The following ISCU variants were observed in gnomAD, a reference collection of about 807,000 sequenced individuals.
The protein encoded by ISCU is iron-sulfur cluster assembly enzyme ISCU.
A neutral mutation model predicts 18.4 loss-of-function variants in ISCU; 13 were observed. The observed-to-expected ratio is 0.71, with a 90% CI of 0.46 to 1.12. ISCU has a LOEUF of 1.12. Among genes scored for constraint, ISCU ranks in the 50% most tolerant of loss-of-function variants. ISCU has a pLI of 0.00. For missense variants in ISCU, 229 were observed against 208.7 expected (o/e 1.10, Z -0.60); for synonymous variants, 104 against 87.5 (o/e 1.19, Z -1.06).
intron 4 of ISCU, chr12:108,567,704 A>G: frequency 8.5e-6 from 13 of 1,535,966 alleles, no homozygotes; most frequent in Non-Finnish European, 9.6e-6. Context: ...TTTCGCCATA[A>G]TCCTGTTTCC....
At position 108,564,431 on chromosome 12, in the gene ISCU, C is replaced by G. The variant is rs750757422; in HGVS notation, c.228+39C>G. 7 of 1,393,136 alleles carry G rather than the reference C, an allele frequency of 5.0e-6. No individual in the cohort carries two copies. The East Asian group carries it at 1.4e-4, about 27-fold the overall frequency. 86.3% of individuals were successfully genotyped at this position (1,393,136 alleles called of 1,614,324 possible). On this transcript the variant is annotated intron_variant, in intron 2 of 4. Coordinates refer to ENST00000311893, the MANE Select transcript of ISCU (RefSeq NM_213595.4). The stretch of plus-strand genomic sequence containing the variant: ...TTTTTAATAGTGATAACAATAATCC[C>G]TTTAAGTTTACAAAGCACTTGCGCA...
Position 108,562,637 on chromosome 12 carries a change from G to C in ISCU, c.15G>C (p.Gly5=), listed in dbSNP as rs753475516. 8 of 1,480,472 alleles carry C rather than the reference G, an allele frequency of 5.4e-6. No homozygotes were observed. Among genetic ancestry groups the C allele is most frequent in the African/African-American group, 1.5e-5 (1 of 68,710 alleles). The allele number at this position is 1,480,472 out of a possible 1,614,324, so 91.7% of individuals were successfully genotyped here. A position where few individuals can be genotyped will look rare whatever the true frequency, so the allele number is the denominator to read the frequency against. The change falls in exon 1 of 5, where the codon GGG becomes GGC. Residue 5 remains glycine, a synonymous_variant. Coordinates refer to ENST00000311893, the MANE Select transcript of ISCU (RefSeq NM_213595.4). ...AAGCCGGCAAGATGGCGGCGGCTGG[G>C]GCTTTCCGTCTGAGGCGGGCGGCAT... MAAA[G]AFRLRRAASA... is the part of the protein sequence containing the mutation.
chr12:108,566,805 C>G (rs1265295331), intron 3 of ISCU, among the ~76,000 whole-genome samples: 1 of 152,228 alleles, frequency 6.6e-6, no homozygotes, highest in Non-Finnish European at 1.5e-5. Context: ...TTTAGGCTAA[C>G]ATTTGGTATG....
Position 108,567,517 on chromosome 12 carries a change from C to T in ISCU, c.418+249C>T, listed in dbSNP as rs888546. 640,586 of 785,828 alleles carry T rather than the reference C, an allele frequency of 0.82. 264,858 individuals are homozygous for T. Among genetic ancestry groups the T allele is most frequent in the East Asian group, 0.93 (34,710 of 37,432 alleles). 48.7% of individuals were successfully genotyped at this position (785,828 alleles called of 1,614,324 possible). A position where few individuals can be genotyped will look rare whatever the true frequency, so the allele number is the denominator to read the frequency against. On this transcript the variant is annotated intron_variant, in intron 4 of 4. Coordinates refer to ENST00000311893, the MANE Select transcript of ISCU (RefSeq NM_213595.4). ...CACTTCATGGGCGTAATTTCTAAACCTCACAAATATCCTTGAGTGCACAGT... is the reference window on the plus strand; with the variant it reads ...CACTTCATGGGCGTAATTTCTAAACTTCACAAATATCCTTGAGTGCACAGT...
chr12:108,567,124 T>TTA (rs769567801), intron 3 of ISCU, 66 bp from the exon 4 acceptor site: 2 of 1,245,342 alleles, frequency 1.6e-6, no homozygotes, highest in Non-Finnish European at 2.4e-6. Flanking sequence ...CCTCCCTTTT[T>TTA]TATTGGCTGG....
At chr12:108,565,121 T>C (rs1293045060) in intron 2 of ISCU, 200 bp from the exon 3 acceptor site, 3 of 589,204 alleles carry the variant, frequency 5.1e-6, no homozygotes, top group African/African-American at 3.7e-5. Flanking sequence ...TCTTTGTCAG[T>C]TGGGCCTGGA....
chr12:108,564,769 C>T (rs2030810397), intron 2 of ISCU, among the ~76,000 whole-genome samples: 1 of 152,202 alleles, frequency 6.6e-6, no homozygotes, highest in Non-Finnish European at 1.5e-5. Flanking sequence ...TAAACCTGTC[C>T]CCAGATTGGG....
At chr12:108,567,562 T>C in intron 4 of ISCU, 1 of 997,236 alleles carries the variant, frequency 1.0e-6, no homozygotes, top group Non-Finnish European at 1.5e-6. Context: ...TACTTCCCTC[T>C]TATGGATGAG....
chr12:108,567,993 CAG>C lies in ISCU; in HGVS notation c.418+730_418+731del, dbSNP rs557081898. The C allele has an allele frequency of 2.3e-5, 35 of 1,529,922 alleles. 1 individual carries two copies. Among genetic ancestry groups the C allele is most frequent in the Non-Finnish European group, 2.8e-5 (32 of 1,142,310 alleles). 94.8% of individuals were successfully genotyped at this position (1,529,922 alleles called of 1,614,324 possible). ...ACTAACCAAATTAGTTAAAAATCAG[CAG>C]AGAGTCAGGCCTCTTGCCAAGGTAA... On this transcript the variant is annotated intron_variant, in intron 4 of 4. Transcript: ENST00000311893.
intron 4 of ISCU, 21 bp from the exon 5 acceptor site, chr12:108,568,810 C>A (rs181415528): frequency 6.2e-7 from 1 of 1,607,774 alleles, no homozygotes; most frequent in East Asian, 2.2e-5. Flanking sequence ...ACTTAGGCTT[C>A]TTTCCTTCCG....
chr12:108,564,000 T>C, intron 1 of ISCU: 1 of 1,142,196 alleles, frequency 8.8e-7, no homozygotes, highest in Non-Finnish European at 1.3e-6. Flanking sequence ...GAAAGTCAAG[T>C]ATTTTTGTAA....
chr12:108,568,154 A>C, intron 4 of ISCU: 1 of 1,320,222 alleles, frequency 7.6e-7, no homozygotes, highest in African/African-American at 1.5e-5. Context: ...ACTTGTAAAC[A>C]TTTTCACATG....
At chr12:108,566,905 TC>T (rs1481820154) in intron 3 of ISCU, among the ~76,000 whole-genome samples, 1 of 152,186 alleles carries the variant, frequency 6.6e-6, no homozygotes, top group Non-Finnish European at 1.5e-5. Context: ...CACAAGCAGA[TC>T]CCTAAGAGAC....
intron 4 of ISCU, 133 bp downstream of exon 4, chr12:108,567,401 T>C (rs1297698172): frequency 1.1e-5 from 9 of 814,160 alleles, no homozygotes; most frequent in African/African-American, 1.7e-5. Context: ...TCTGTCCTTA[T>C]AACCTGCAGA....
chr12:108,564,193 A>T, intron 1 of ISCU, 86 bp from the exon 2 acceptor site: 1 of 1,570,706 alleles, frequency 6.4e-7, no homozygotes, highest in Non-Finnish European at 8.8e-7. Context: ...GCCAGGTTCA[A>T]GATGCTGACC....
intron 4 of ISCU, chr12:108,568,384 A>G (rs1188701128): frequency 3.6e-6 from 4 of 1,096,322 alleles, no homozygotes; most frequent in Non-Finnish European, 1.1e-6. Flanking sequence ...ACAGATTGAC[A>G]TGATCTTTTT....
upstream of ISCU, among the ~76,000 whole-genome samples, chr12:108,561,660 T>G (rs1055744472): frequency 3.3e-5 from 5 of 152,196 alleles, no homozygotes; most frequent in Admixed American, 2.0e-4. Context: ...ATTCCTCCCC[T>G]TTATGTAAAC....
upstream of ISCU, chr12:108,562,549 AGCTCG>A: frequency 1.2e-6 from 1 of 845,890 alleles, no homozygotes; most frequent in Non-Finnish European, 1.6e-6. Context: ...GCGCGCTCCC[AGCTCG>A]GAGCCGACTC....
chr12:108,565,526 G>C (rs1184984084), intron 3 of ISCU, 95 bp downstream of exon 3: 2 of 780,012 alleles, frequency 2.6e-6, no homozygotes, highest in Non-Finnish European at 4.5e-6. Context: ...TGCAGATGTT[G>C]ATTATATTAT....
Sources: gnomAD v4.1 joint callset for allele counts (sites outside exome capture counted in the v4.1 genomes callset) on GRCh38, gnomAD v4.1.1 for gene constraint, MANE v1.5 for transcripts, NCBI Gene and HGNC (gene_info 2026-07-23, HGNC 2026-07-21) for gene names.